Variants in FBF1 observed in about 807,000 individuals in gnomAD.
The protein encoded by FBF1 is fas-binding factor 1.
FBF1 carries 119 observed loss-of-function variants against 147.2 expected under a neutral mutation model. The ratio of observed to expected loss-of-function variants is 0.81; its 90% CI spans 0.70 to 0.94. The LOEUF (loss-of-function observed/expected upper bound fraction) is 0.94. FBF1 is among the 40% of genes least tolerant of loss of function. The probability of loss-of-function intolerance (pLI) is 0.00; values close to 1 mark genes in which losing one functional copy is unlikely to be tolerated. For synonymous variants in FBF1, 601 were observed against 609.0 expected (o/e 0.99, Z 0.19); for missense variants, 1,449 against 1,500.8 (o/e 0.97, Z 0.57).
rs748502194 is a variant in FBF1 at position 75,932,878 on chromosome 17, TAAAAAA to T, written c.167+111_167+116del. On this transcript the variant is annotated intron_variant, in intron 5 of 29. Transcript: ENST00000636174. ...TCCAGCCTCGGCAACAAATATTCTC[TAAAAAA>T]AAAAAAAAAAAAAATGGCGAGCAAA... 384 of 435,872 alleles carry T rather than the reference TAAAAAA, an allele frequency of 8.8e-4. 2 individuals are homozygous for T. The Middle Eastern group carries it at 0.012, about 14-fold the overall frequency. The allele number at this position is 435,872 out of a possible 1,614,324, so 27.0% of individuals were successfully genotyped here.
At chr17:75,913,840 A>T (rs768664925) in intron 27 of FBF1, 21 bp from the exon 28 acceptor site, 1 of 1,585,274 alleles carries the variant, frequency 6.3e-7, no homozygotes, top group Non-Finnish European at 8.5e-7. Context: ...TCCCCCAGAA[A>T]GAAGGACTCA....
rs2065561318 is a variant in FBF1, at chr17:75,926,285, T to G, written c.734+3A>C. On this transcript the variant is annotated splice_donor_region_variant and intron_variant, in intron 11 of 29. Transcript: ENST00000636174. ...GCAGCCTGGCCTACTCAGGGATCCT[T>G]ACTGGTCTCCTATCTGCCTCTTCTC... 2 of 1,613,076 alleles carry G rather than the reference T, an allele frequency of 1.2e-6. No individual in the cohort carries two copies. Among genetic ancestry groups the G allele is most frequent in the Non-Finnish European group, 1.7e-6 (2 of 1,179,634 alleles).
At position 75,926,305 on chromosome 17, in the gene FBF1, C is replaced by T. The variant is rs1347061214; in HGVS notation, c.717G>A (p.Lys239=). The change falls in exon 11 of 30, where the codon AAG becomes AAA. Residue 239 remains lysine (K), a synonymous_variant. Transcript: ENST00000636174. ...ATCCTTACTGGTCTCCTATCTGCCT[C>T]TTCTCTGCTTTGGGGCTGTCTCCAA... The part of the protein sequence containing the change: ...LGFGDSPKAE[K]RQIGDQEGPR... The T allele has an allele frequency of 1.2e-6, 2 of 1,613,450 alleles. No homozygotes were observed. Among genetic ancestry groups the T allele is most frequent in the Non-Finnish European group, 1.7e-6 (2 of 1,179,720 alleles).
chr17:75,917,371 A>G (rs969364509), intron 23 of FBF1, among the ~76,000 whole-genome samples: 4 of 152,270 alleles, frequency 2.6e-5, no homozygotes, highest in Non-Finnish European at 4.4e-5. Flanking sequence ...TTAATGGGCA[A>G]GAGCATCTGT....
intron 6 of FBF1, among the ~76,000 whole-genome samples, chr17:75,930,876 G>A (rs2065590225): frequency 6.6e-6 from 1 of 151,966 alleles, no homozygotes; most frequent in Non-Finnish European, 1.5e-5. Context: ...AGCCAAGATC[G>A]CACTACTGCA....
chr17:75,919,962 G>A lies in FBF1; in HGVS notation c.1931+45C>T. On this transcript the variant is annotated intron_variant, in intron 19 of 29. Coordinates refer to ENST00000636174, the MANE Select transcript of FBF1 (RefSeq NM_001319193.2). The surrounding 1 kb of genome is among the most constrained non-coding windows in gnomAD (Gnocchi z 5.0). ...CCAGGCACACTGGGTGGCCTTTGGG[G>A]TCAGTGTGAGATCCAAGGCAGAGCT... The A allele has an allele frequency of 6.2e-7, 1 of 1,609,572 alleles. No homozygotes were observed. The highest frequency in any genetic ancestry group is 2.2e-5 in the East Asian group (1 of 44,804).
At chr17:75,921,153 C>A in intron 17 of FBF1, 91 bp downstream of exon 17, 7 of 1,316,340 alleles carry the variant, frequency 5.3e-6, no homozygotes, top group Non-Finnish European at 7.4e-6. Context: ...TTTTTCCTGG[C>A]AGGTCGTCAG....
In FBF1 at chr17:75,919,691, C is replaced by T. The variant is rs1236853203; in HGVS notation, c.2115G>A (p.Met705Ile). The T allele has an allele frequency of 6.2e-7, 1 of 1,610,358 alleles. No individual in the cohort carries two copies. Among genetic ancestry groups the T allele is most frequent in the Non-Finnish European group, 8.5e-7 (1 of 1,178,968 alleles). ...AAIAQEKDQE[M>I]ERLRELQRAS... Reference sequence around the variant, plus strand: ...ACCGCTGCAGCTCCCGGAGCCGCTCCATTTCCTGGTCCTTCTCCTGCGCTA... The same window carrying T: ...ACCGCTGCAGCTCCCGGAGCCGCTCTATTTCCTGGTCCTTCTCCTGCGCTA... The change falls in exon 20 of 30, where the codon ATG becomes ATA. Residue 705 changes from methionine (M) to isoleucine (I), a missense_variant. Coordinates refer to ENST00000636174, the MANE Select transcript of FBF1 (RefSeq NM_001319193.2). This position sits in a 1 kb window ranked among gnomAD's most constrained non-coding sequence, Gnocchi z 5.0.
chr17:75,932,754 T>G (rs2065601566), intron 5 of FBF1, among the ~76,000 whole-genome samples: 1 of 151,604 alleles, frequency 6.6e-6, no homozygotes, highest in African/African-American at 2.4e-5. Flanking sequence ...GGTGTGGTGG[T>G]GGGCACCTGT....
Position 75,925,282 on chromosome 17 carries a change from A to G in FBF1, c.968+65T>C. 1 of 1,278,362 alleles carries G rather than the reference A, an allele frequency of 7.8e-7. No homozygotes were observed. The allele number at this position is 1,278,362 out of a possible 1,614,324, so 79.2% of individuals were successfully genotyped here. On this transcript the variant is annotated intron_variant, in intron 13 of 29. Coordinates refer to ENST00000636174, the MANE Select transcript of FBF1 (RefSeq NM_001319193.2). This position sits in a 1 kb window ranked among gnomAD's most constrained non-coding sequence, Gnocchi z 5.0. ...CTCGGGTGGGACAGGGGACAGCTGC[A>G]GGGGCCTGTCTTCCCAGTGGCCGAC...
Position 75,937,619 on chromosome 17 carries a change from C to G in FBF1, c.4-26G>C, listed in dbSNP as rs1305958885. On this transcript the variant is annotated intron_variant, in intron 2 of 29. Coordinates refer to ENST00000636174, the MANE Select transcript of FBF1 (RefSeq NM_001319193.2). ...CTAAAATGGGAAAAACAAATCACATCAAGAAAACCAAACAGTGAACACAGG... is the reference window on the plus strand; with the variant it reads ...CTAAAATGGGAAAAACAAATCACATGAAGAAAACCAAACAGTGAACACAGG... The G allele has an allele frequency of 3.7e-6, 6 of 1,613,698 alleles. No homozygotes were observed. In the South Asian group the frequency reaches 6.6e-5, roughly 18 times the overall value.
chr17:75,909,932 G>C lies in FBF1; in HGVS notation c.*791C>G. 1.4e-6 allele frequency: 1 copy of C among 700,154 alleles called. No homozygotes were observed. The highest frequency in any genetic ancestry group is 1.5e-5 in the South Asian group (1 of 66,748). 43.4% of individuals were successfully genotyped at this position (700,154 alleles called of 1,614,324 possible). ...CAGAGAAACCTCTGTAGTTGTGATTGGTTCCTTGTCGCCTCCACTGCGTAC... is the reference window on the plus strand; with the variant it reads ...CAGAGAAACCTCTGTAGTTGTGATTCGTTCCTTGTCGCCTCCACTGCGTAC... On this transcript the variant is annotated 3_prime_UTR_variant, in exon 30 of 30. Transcript: ENST00000636174.
chr17:75,920,629 C>T (rs2144166810), intron 17 of FBF1, among the ~76,000 whole-genome samples, 200 bp from the exon 18 acceptor site: 1 of 152,310 alleles, frequency 6.6e-6, no homozygotes, highest in African/African-American at 2.4e-5. Flanking sequence ...TGGTCAGGAG[C>T]ATGTCTCCCT....
At chr17:75,933,429 G>A (rs1046527753) in intron 4 of FBF1, among the ~76,000 whole-genome samples, 15 of 152,306 alleles carry the variant, frequency 9.8e-5, no homozygotes, top group African/African-American at 2.6e-4. Flanking sequence ...TTAGCCAGGC[G>A]TGGTGGTGGG....
At chr17:75,929,964 C>CCCCTCTTAAAAA in intron 7 of FBF1, 33 bp downstream of exon 7, 1 of 1,402,202 alleles carries the variant, frequency 7.1e-7, no homozygotes, top group Non-Finnish European at 9.9e-7. Flanking sequence ...CACCCACCCC[C>CCCCTCTTAAAAA]AGTTCTAAGA....
Position 75,920,017 on chromosome 17 carries a change from T to A in FBF1, c.1921A>T (p.Ser641Cys). 1 of 1,606,954 alleles carries A rather than the reference T, an allele frequency of 6.2e-7. No homozygotes were observed. The highest frequency in any genetic ancestry group is 1.1e-5 in the South Asian group (1 of 90,290). ...QHQADLELIE[S>C]AHRSRIKVLE... is the part of the protein sequence containing the mutation. ...CCAGCGCCAGGGTACCTGTGTGCAC[T>A]CTCGATGAGCTCCAGGTCTGCCTGG... The change falls in exon 19 of 30, where the codon AGT (serine) becomes TGT (cysteine). Residue 641 changes from serine to cysteine, a missense_variant. Coordinates refer to ENST00000636174, the MANE Select transcript of FBF1 (RefSeq NM_001319193.2).
chr17:75,921,242 A>G lies in FBF1; in HGVS notation c.1674+2T>C, dbSNP rs746685086. On this transcript the variant is annotated splice_donor_variant, in intron 17 of 29. Coordinates refer to ENST00000636174, the MANE Select transcript of FBF1 (RefSeq NM_001319193.2). LOFTEE classifies it high-confidence loss of function. ...GCTAGACCTGTCTGCCCACACCCCT[A>G]CCTGGACGGGCACGGAAGGCTCTGT... 6 of 1,582,662 alleles carry G rather than the reference A, an allele frequency of 3.8e-6. No homozygotes were observed. Among genetic ancestry groups the G allele is most frequent in the Non-Finnish European group, 5.2e-6 (6 of 1,164,322 alleles).
Position 75,910,861 on chromosome 17 carries a change from A to T in FBF1, c.3364-55T>A, listed in dbSNP as rs2065453028. 4.0e-5 allele frequency: 58 copies of T among 1,456,876 alleles called. No individual in the cohort carries two copies. Among genetic ancestry groups the T allele is most frequent in the Non-Finnish European group, 5.4e-5 (57 of 1,059,062 alleles). 90.2% of individuals were successfully genotyped at this position (1,456,876 alleles called of 1,614,324 possible). On this transcript the variant is annotated intron_variant, in intron 29 of 29. Coordinates refer to ENST00000636174, the MANE Select transcript of FBF1 (RefSeq NM_001319193.2). This position sits in a 1 kb window ranked among gnomAD's most constrained non-coding sequence, Gnocchi z 4.1. ...CTTCCCTGAGCTGAGAGGGAGGTGGAGCCCTGGATGCTAGCTGAGCCAGCC... is the reference window on the plus strand; with the variant it reads ...CTTCCCTGAGCTGAGAGGGAGGTGGTGCCCTGGATGCTAGCTGAGCCAGCC...
chr17:75,925,536 T>C lies in FBF1; in HGVS notation c.869-90A>G, dbSNP rs1438908174. ...AAATTCTAACAAAAGCTGAATTTGG[T>C]AGCTTGTTGTGTAAGACAAGCAGAG... On this transcript the variant is annotated intron_variant, in intron 12 of 29. Transcript: ENST00000636174. The surrounding 1 kb of genome is among the most constrained non-coding windows in gnomAD (Gnocchi z 5.0). 3.5e-6 allele frequency: 4 copies of C among 1,134,182 alleles called. No homozygotes were observed. Among genetic ancestry groups the C allele is most frequent in the Non-Finnish European group, 5.1e-6 (4 of 784,002 alleles). 70.3% of individuals were successfully genotyped at this position (1,134,182 alleles called of 1,614,324 possible).
Sources: allele counts gnomAD v4.1 joint callset (sites outside exome capture counted in the v4.1 genomes callset), GRCh38; gene constraint gnomAD v4.1.1; non-coding constraint Gnocchi (gnomAD v3.1); transcripts MANE v1.5; gene names NCBI Gene and HGNC (gene_info 2026-07-23, HGNC 2026-07-21).